Variants in TENM3 observed in about 807,000 individuals in gnomAD.
The protein encoded by TENM3 is teneurin transmembrane protein 3.
TENM3 carries 63 observed loss-of-function variants against 255.1 expected under a neutral mutation model. The ratio of observed to expected loss-of-function variants is 0.25; its 90% CI spans 0.20 to 0.30. The LOEUF is 0.30. Ranked by LOEUF, TENM3 falls within the 10% of genes least tolerant of loss-of-function variation. The pLI is 1.00. For missense variants in TENM3, 2,929 were observed against 3,461.1 expected, an observed-to-expected ratio of 0.85 and a Z score of 3.86; for synonymous variants, 1,306 against 1,322.3, an observed-to-expected ratio of 0.99 and a Z score of 0.27.
chr4:182,248,246 A>C (rs1313256103), intron 1 of TENM3, among the ~76,000 whole-genome samples: 1 of 152,218 alleles, frequency 6.6e-6, no homozygotes, highest in Non-Finnish European at 1.5e-5. Context: ...TACATCCCAG[A>C]ACTTACAGTA....
the TENM3 span, among the ~76,000 whole-genome samples, chr4:181,656,186 T>C: frequency 6.6e-6 from 1 of 152,098 alleles, no homozygotes; most frequent in African/African-American, 2.4e-5. Context: ...GAACCCAGGC[T>C]TTTGAGGCAC....
chr4:182,087,299 T>C, the TENM3 span, among the ~76,000 whole-genome samples: 11 of 152,232 alleles, frequency 7.2e-5, no homozygotes, highest in Admixed American at 7.2e-4. Context: ...TCTGTTTTTG[T>C]TCAGGGTTAG....
the TENM3 span, among the ~76,000 whole-genome samples, chr4:181,887,822 A>G: frequency 6.6e-6 from 1 of 152,300 alleles, no homozygotes; most frequent in Non-Finnish European, 1.5e-5. Flanking sequence ...TTGAATTCAA[A>G]TCACTCTTCC....
chr4:181,590,629 G>A, the TENM3 span, among the ~76,000 whole-genome samples: 3 of 152,188 alleles, frequency 2.0e-5, no homozygotes, highest in Non-Finnish European at 4.4e-5. Context: ...TTTAGGAGGA[G>A]CCAGTGAAGA....
chr4:181,707,499 A>G, the TENM3 span, among the ~76,000 whole-genome samples: 1 of 152,212 alleles, frequency 6.6e-6, no homozygotes, highest in Non-Finnish European at 1.5e-5. Flanking sequence ...CCCTTTCTGG[A>G]TCTTGGTCTT....
chr4:181,892,304 G>T, the TENM3 span, among the ~76,000 whole-genome samples: 1 of 151,872 alleles, frequency 6.6e-6, no homozygotes, highest in Admixed American at 6.6e-5. Context: ...CAAAGTTTCT[G>T]GTTTACTTCT....
the TENM3 span, among the ~76,000 whole-genome samples, chr4:182,091,797 G>A: frequency 0.14 from 21,239 of 152,176 alleles, 1,555 homozygotes; most frequent in South Asian, 0.16. Flanking sequence ...TCACGGGAGC[G>A]TGAGAAATGT....
chr4:181,707,109 C>G, the TENM3 span, among the ~76,000 whole-genome samples: 5 of 152,162 alleles, frequency 3.3e-5, no homozygotes, highest in African/African-American at 1.2e-4. Context: ...TGGGTGGGCT[C>G]TTAGAGCCCA....
the TENM3 span, among the ~76,000 whole-genome samples, chr4:181,730,049 G>A: frequency 6.6e-6 from 1 of 152,172 alleles, no homozygotes; most frequent in East Asian, 1.9e-4. Context: ...TCTTCAAAGC[G>A]GGGCAGGAGA....
intron 3 of TENM3, among the ~76,000 whole-genome samples, chr4:182,353,665 A>G (rs1224390386): frequency 6.6e-6 from 1 of 150,720 alleles, no homozygotes; most frequent in Non-Finnish European, 1.5e-5. Context: ...ACTTTTTAGT[A>G]TAATAAGTTA....
chr4:182,271,641 T>C (rs1759633107), intron 1 of TENM3, among the ~76,000 whole-genome samples: 1 of 152,236 alleles, frequency 6.6e-6, no homozygotes. Context: ...TGCCTTTGTC[T>C]CGGAACCTCA....
the TENM3 span, among the ~76,000 whole-genome samples, chr4:181,516,260 G>A: frequency 3.1e-3 from 464 of 151,826 alleles, 5 homozygotes; most frequent in African/African-American, 0.011. Context: ...TGTATGCAGG[G>A]CTTAATACAT....
At chr4:181,691,064 G>C in the TENM3 span, among the ~76,000 whole-genome samples, 4 of 152,072 alleles carry the variant, frequency 2.6e-5, no homozygotes, top group African/African-American at 9.7e-5. Flanking sequence ...GGAAAATTTA[G>C]TAAGAAAACA....
At chr4:181,739,373 G>A in the TENM3 span, among the ~76,000 whole-genome samples, 4 of 152,160 alleles carry the variant, frequency 2.6e-5, no homozygotes, top group African/African-American at 9.7e-5. Context: ...TGTATTGTCT[G>A]GAAGAGACCC....
At chr4:182,224,643 G>T (rs17308825) in intron 1 of TENM3, among the ~76,000 whole-genome samples, 13,913 of 152,110 alleles carry the variant, frequency 0.091, 801 homozygotes, top group Non-Finnish European at 0.12. Flanking sequence ...AGTGTGCACA[G>T]CCCATAATAG....
At chr4:181,803,870 C>T in the TENM3 span, among the ~76,000 whole-genome samples, 10 of 148,040 alleles carry the variant, frequency 6.8e-5, no homozygotes, top group Admixed American at 2.1e-4. Context: ...AGGAGGTCAG[C>T]GCTGCAGTGA....
At chr4:181,548,860 AG>A in the TENM3 span, among the ~76,000 whole-genome samples, 1 of 152,138 alleles carries the variant, frequency 6.6e-6, no homozygotes, top group African/African-American at 2.4e-5. Flanking sequence ...TATGACTGAA[AG>A]GGTTTACAGG....
chr4:182,751,881 A>C lies in TENM3; in HGVS notation c.3711A>C (p.Arg1237Ser), dbSNP rs1762397124. 1 of 1,613,798 alleles carries C rather than the reference A, an allele frequency of 6.2e-7. No homozygotes were observed. Among genetic ancestry groups the C allele is most frequent in the Admixed American group, 1.7e-5 (1 of 59,994 alleles). ...ACGTTTCTGACACAAACACCCGCAGAATTTATCGCCCAAAGTCACTTACGG... is the reference window on the plus strand; with the variant it reads ...ACGTTTCTGACACAAACACCCGCAGCATTTATCGCCCAAAGTCACTTACGG... ...DLYVSDTNTR[R>S]IYRPKSLTGA... Residue 1237 changes from arginine to serine, a missense_variant, in exon 20 of 28, where the codon AGA (arginine) becomes AGC (serine). Physicochemically the swap from Arg to Ser is moderately radical, Grantham distance 110. This residue lies in a region of TENM3 where 1,608 missense variants were observed against 1,884.4 expected (regional missense o/e 0.85). Transcript: ENST00000511685.
chr4:182,710,876 A>G (rs1758698007), intron 12 of TENM3, among the ~76,000 whole-genome samples: 1 of 152,218 alleles, frequency 6.6e-6, no homozygotes, highest in African/African-American at 2.4e-5. Flanking sequence ...TAGCCTCATG[A>G]AACAAGTGGA....
Sources: gnomAD v4.1 joint callset for allele counts (sites outside exome capture counted in the v4.1 genomes callset) on GRCh38, gnomAD v4.1.1 for gene constraint, gnomAD v4.1.1 regional missense constraint, MANE v1.5 for transcripts, NCBI Gene and HGNC (gene_info 2026-07-23, HGNC 2026-07-21) for gene names.